OGDHL: variants seen among roughly 807,000 people sequenced by gnomAD.
OGDHL encodes the protein oxoglutarate dehydrogenase L.
In OGDHL, 79 loss-of-function variants were observed where a neutral mutation model predicts 109.6. That is an observed-to-expected ratio of 0.72 (90% CI 0.60 to 0.87). OGDHL has a LOEUF of 0.87. Ranked by LOEUF, OGDHL falls within the 40% of genes least tolerant of loss-of-function variation. OGDHL has a pLI of 0.00. For synonymous variants in OGDHL, 528 were observed against 537.2 expected (o/e 0.98, Z 0.24); for missense variants, 1,275 against 1,362.2 (o/e 0.94, Z 1.01).
chr10:49,757,069 C>A, intron 2 of OGDHL, 123 bp from the exon 3 acceptor site: 1 of 931,138 alleles, frequency 1.1e-6, no homozygotes. Context: ...AGGGCCTTCC[C>A]AGGGTGCCTA....
At chr10:49,739,874 A>G (rs539450045) in intron 16 of OGDHL, 35 bp from the exon 17 acceptor site, 1 of 1,587,094 alleles carries the variant, frequency 6.3e-7, no homozygotes, top group East Asian at 2.3e-5. Flanking sequence ...TGCTGCACAC[A>G]GTCACCAAGT....
At chr10:49,753,949 G>T (rs7099245) in intron 3 of OGDHL, among the ~76,000 whole-genome samples, 1 of 151,126 alleles carries the variant, frequency 6.6e-6, no homozygotes, top group African/African-American at 2.4e-5. Flanking sequence ...GTGAGCTCTG[G>T]GAAATCAAAC....
At chr10:49,744,255 ACCCT>A in intron 13 of OGDHL, 133 bp from the exon 14 acceptor site, 1 of 1,149,892 alleles carries the variant, frequency 8.7e-7, no homozygotes, top group Non-Finnish European at 1.2e-6. Flanking sequence ...CCCTGAGCCC[ACCCT>A]TGGGACCTGG....
upstream of OGDHL, chr10:49,762,358 C>A (rs1409952559): frequency 6.6e-6 from 1 of 152,166 alleles, no homozygotes; most frequent in Non-Finnish European, 1.5e-5. Context: ...CAGCCGCCCA[C>A]GGGCGCGCGC....
At chr10:49,747,397 G>A (rs1842275859) in intron 8 of OGDHL, among the ~76,000 whole-genome samples, 189 bp from the exon 9 acceptor site, 1 of 152,204 alleles carries the variant, frequency 6.6e-6, no homozygotes, top group Non-Finnish European at 1.5e-5. Context: ...AGGGAGGAAG[G>A]CAGGGACCCC....
chr10:49,736,199 A>C (rs774688442), intron 21 of OGDHL, 22 bp from the exon 22 acceptor site: 3 of 1,574,598 alleles, frequency 1.9e-6, no homozygotes, highest in Non-Finnish European at 8.6e-7. Flanking sequence ...GAAACAAAGG[A>C]GCATAGCCAG....
chr10:49,742,416 A>ACAC, intron 15 of OGDHL, among the ~76,000 whole-genome samples: 1 of 312 alleles, frequency 3.2e-3, no homozygotes, highest in Non-Finnish European at 7.6e-3. Flanking sequence ...CACACCATAC[A>ACAC]CACATACACA....
chr10:49,745,533 A>C (rs1842116273), intron 11 of OGDHL, 37 bp from the exon 12 acceptor site: 1 of 1,610,868 alleles, frequency 6.2e-7, no homozygotes, highest in South Asian at 1.1e-5. Flanking sequence ...GCCCTTCCCT[A>C]CGCTGTGTGG....
Position 49,742,967 on chromosome 10 carries a change from T to G in OGDHL, c.1873A>C (p.Ile625Leu), listed in dbSNP as rs745772902. The G allele has an allele frequency of 6.2e-7, 1 of 1,613,192 alleles. No individual in the cohort carries two copies. Among genetic ancestry groups the G allele is most frequent in the Non-Finnish European group, 8.5e-7 (1 of 1,179,934 alleles). ...DFKIHTGLSR[I>L]LRGRADMTKN... ...GTCATGTCCGCACGGCCCCGCAGAA[T>G]GCGAGAGAGGCCTGTGGGAAAGGAG... The change falls in exon 15 of 23, where the codon ATT (isoleucine) becomes CTT (leucine). Residue 625 changes from isoleucine (I) to leucine (L), a missense_variant. Ile to Leu is a conservative substitution (Grantham distance 5). Coordinates refer to ENST00000374103, the MANE Select transcript of OGDHL (RefSeq NM_018245.3).
chr10:49,736,122 G>A lies in OGDHL; in HGVS notation c.2810C>T (p.Ala937Val), dbSNP rs768075270. 59 of 1,611,380 alleles carry A rather than the reference G, an allele frequency of 3.7e-5. 1 individual carries two copies. In the South Asian group the frequency reaches 4.9e-4, roughly 13 times the overall value. The change falls in exon 22 of 23, where the codon GCG becomes GTG. Residue 937 changes from alanine (A) to valine (V), a missense_variant. Transcript: ENST00000374103. ...CTCCTCCTGACACCAGGCCAGCTCC[G>A]CACCTGGGTACTTCTCTGCCTCCTG... The part of the protein sequence containing the change: ...IKQEAEKYPG[A>V]ELAWCQEEHK...
intron 20 of OGDHL, 78 bp from the exon 21 acceptor site, chr10:49,736,598 C>T (rs1841212923): frequency 1.3e-6 from 2 of 1,490,260 alleles, no homozygotes; most frequent in Admixed American, 2.0e-5. Flanking sequence ...CCTGCATCCC[C>T]AGGCTCTCCT....
At chr10:49,737,696 G>C in intron 20 of OGDHL, 90 bp downstream of exon 20, 1 of 1,386,128 alleles carries the variant, frequency 7.2e-7, no homozygotes, top group South Asian at 1.2e-5. Context: ...ACAGGCAGAG[G>C]GGAGGTTGGA....
chr10:49,757,864 TGGG>T (rs983962915), intron 2 of OGDHL, among the ~76,000 whole-genome samples: 69 of 152,242 alleles, frequency 4.5e-4, no homozygotes, highest in African/African-American at 1.7e-3. Context: ...GACACTAAGT[TGGG>T]GGACAGTGGG....
intron 4 of OGDHL, 63 bp from the exon 5 acceptor site, chr10:49,752,311 G>A (rs1198570340): frequency 2.5e-6 from 3 of 1,223,324 alleles, no homozygotes; most frequent in East Asian, 2.3e-5. Context: ...TCAGGCCCAG[G>A]TGGAGCCCCG....
At chr10:49,759,960 C>T (rs541919781) in intron 1 of OGDHL, among the ~76,000 whole-genome samples, 32 of 152,364 alleles carry the variant, frequency 2.1e-4, no homozygotes, top group Admixed American at 2.0e-3. Flanking sequence ...ACACCTGTTG[C>T]ACCCTTCTGC....
In OGDHL at chr10:49,743,615, G is replaced by A. The variant is rs574420820; in HGVS notation, c.1861+379C>T. The A allele has an allele frequency of 1.6e-4, 29 of 177,374 alleles. No individual in the cohort carries two copies. The South Asian group carries it at 3.5e-3, about 21-fold the overall frequency. 11.0% of individuals were successfully genotyped at this position (177,374 alleles called of 1,614,324 possible). ...TTGGTCCAGGCCCCGGCAAGCCACC[G>A]TCCTTTCAGCTGCAGAATTCTGCCC... On this transcript the variant is annotated intron_variant, in intron 14 of 22. Coordinates refer to ENST00000374103, the MANE Select transcript of OGDHL (RefSeq NM_018245.3).
At chr10:49,742,269 T>C (rs1269087702) in intron 15 of OGDHL, among the ~76,000 whole-genome samples, 3 of 92,102 alleles carry the variant, frequency 3.3e-5, no homozygotes, top group African/African-American at 4.5e-5. Flanking sequence ...CCATACACAC[T>C]CAACACACAA....
At chr10:49,740,927 G>A (rs1022717764) in intron 15 of OGDHL, 90 bp from the exon 16 acceptor site, 3 of 1,529,302 alleles carry the variant, frequency 2.0e-6, no homozygotes, top group African/African-American at 1.4e-5. Flanking sequence ...CAGGAGGCAG[G>A]CAAGCCTCCG....
chr10:49,746,984 AC>A, intron 9 of OGDHL, 44 bp downstream of exon 9: 1 of 1,608,850 alleles, frequency 6.2e-7, no homozygotes, highest in Non-Finnish European at 8.5e-7. Context: ...CTCTGGGCCC[AC>A]CCTGAAGGGC....
Sources: allele counts gnomAD v4.1 joint callset (sites outside exome capture counted in the v4.1 genomes callset), GRCh38; gene constraint gnomAD v4.1.1; transcripts MANE v1.5; gene names NCBI Gene and HGNC (gene_info 2026-07-23, HGNC 2026-07-21).